Variants in ACOT12 observed in about 807,000 individuals in gnomAD.
ACOT12 encodes the protein acyl-CoA thioesterase 12.
Under a neutral mutation model 67.7 loss-of-function variants are expected in ACOT12, and 51 were observed. That is an observed-to-expected ratio of 0.75 (90% CI 0.60 to 0.95). ACOT12 has a LOEUF of 0.95. Among genes scored for constraint, ACOT12 ranks in the 40% least tolerant of loss-of-function variants. ACOT12 has a pLI of 0.00. For synonymous variants in ACOT12, 251 were observed against 244.6 expected, an observed-to-expected ratio of 1.03 and a Z score of -0.24; for missense variants, 734 against 708.1, an observed-to-expected ratio of 1.04 and a Z score of -0.41.
chr5:81,312,573 A>G, the ACOT12 span: 3 of 1,613,920 alleles, frequency 1.9e-6, no homozygotes, highest in Non-Finnish European at 2.5e-6. Flanking sequence ...TCGCTGGGCA[A>G]AGGGAATGAG....
At chr5:81,387,516 T>C (rs931440421) in intron 1 of ACOT12, among the ~76,000 whole-genome samples, 3 of 151,112 alleles carry the variant, frequency 2.0e-5, no homozygotes, top group African/African-American at 7.3e-5. Context: ...TATACCAACA[T>C]GAGTATCTTG....
intron 11 of ACOT12, among the ~76,000 whole-genome samples, chr5:81,337,350 C>T (rs140927869): frequency 1.5e-3 from 231 of 152,264 alleles, no homozygotes; most frequent in African/African-American, 5.4e-3. Context: ...CAATATTGTG[C>T]TGAGCACTTA....
intron 11 of ACOT12, among the ~76,000 whole-genome samples, chr5:81,336,921 T>C (rs1229906463): frequency 6.6e-6 from 1 of 152,164 alleles, no homozygotes; most frequent in African/African-American, 2.4e-5. Context: ...AAACAAGTGA[T>C]TATTTGCTTA....
chr5:81,371,532 T>A (rs914300336), intron 3 of ACOT12, among the ~76,000 whole-genome samples: 5 of 152,090 alleles, frequency 3.3e-5, no homozygotes, highest in African/African-American at 1.2e-4. Flanking sequence ...GGATTATAGG[T>A]GTGAGCTACC....
the ACOT12 span, among the ~76,000 whole-genome samples, chr5:81,310,586 T>C: frequency 6.6e-6 from 1 of 152,182 alleles, no homozygotes; most frequent in Non-Finnish European, 1.5e-5. Context: ...AGCAATAGTG[T>C]TTGATCATTA....
intron 2 of ACOT12, among the ~76,000 whole-genome samples, chr5:81,375,688 T>C (rs1230008074): frequency 6.6e-6 from 1 of 150,572 alleles, no homozygotes. Flanking sequence ...AGGGGTTGCA[T>C]CCTAGTTTCT....
At chr5:81,353,373 C>G (rs1029255124) in intron 5 of ACOT12, among the ~76,000 whole-genome samples, 4 of 152,202 alleles carry the variant, frequency 2.6e-5, no homozygotes, top group African/African-American at 9.6e-5. Flanking sequence ...AGAACTCACC[C>G]TTTCTGCTGG....
At chr5:81,310,157 T>TAAAAAAAAAAAAAAAAAAAAA in the ACOT12 span, among the ~76,000 whole-genome samples, 11 of 104,756 alleles carry the variant, frequency 1.1e-4, no homozygotes, top group East Asian at 1.5e-3. Flanking sequence ...TGACTAGCTG[T>TAAAAAAAAAAAAAAAAAAAAA]AAAAAAAAAA....
chr5:81,335,962 A>G lies in ACOT12; in HGVS notation c.1129-61T>C, dbSNP rs78872643. 862 of 1,503,450 alleles carry G rather than the reference A, an allele frequency of 5.7e-4. 5 individuals are homozygous for G. In the African/African-American group the frequency reaches 0.011, roughly 19 times the overall value. 93.1% of individuals were successfully genotyped at this position (1,503,450 alleles called of 1,614,324 possible). A position where few individuals can be genotyped will look rare whatever the true frequency, so the allele number is the denominator to read the frequency against. ...AACTGATGCTTTTACTTTAGAAACC[A>G]TATGCATATATATGTAGTCATAGAC... On this transcript the variant is annotated intron_variant, in intron 11 of 14. Transcript: ENST00000307624.
chr5:81,377,814 C>T (rs1235378521), intron 2 of ACOT12, among the ~76,000 whole-genome samples: 1 of 152,150 alleles, frequency 6.6e-6, no homozygotes, highest in Admixed American at 6.6e-5. Flanking sequence ...GAACAACAAA[C>T]CACTGCTCAA....
the ACOT12 span, among the ~76,000 whole-genome samples, chr5:81,315,535 G>A: frequency 6.6e-6 from 1 of 152,194 alleles, no homozygotes; most frequent in Middle Eastern, 3.2e-3. Context: ...TGCTTGGAAT[G>A]TATGAAGCAT....
chr5:81,380,013 G>A (rs1357709892), intron 2 of ACOT12, among the ~76,000 whole-genome samples: 1 of 149,294 alleles, frequency 6.7e-6, no homozygotes, highest in Admixed American at 6.7e-5. Context: ...GTCATAATCT[G>A]TAGCATTTTT....
At chr5:81,317,810 CAT>C in the ACOT12 span, among the ~76,000 whole-genome samples, 1 of 151,856 alleles carries the variant, frequency 6.6e-6, no homozygotes, top group South Asian at 2.1e-4. Flanking sequence ...GAGGTGGGGA[CAT>C]AGAGCCAAAC....
intron 4 of ACOT12, among the ~76,000 whole-genome samples, chr5:81,361,249 G>A (rs1170460253): frequency 6.6e-6 from 1 of 150,498 alleles, no homozygotes; most frequent in African/African-American, 2.4e-5. Flanking sequence ...GTCTCACTCT[G>A]TTGCCCAGGC....
chr5:81,332,858 G>T (rs1580526422), intron 12 of ACOT12, among the ~76,000 whole-genome samples: 1 of 152,082 alleles, frequency 6.6e-6, no homozygotes, highest in African/African-American at 2.4e-5. Context: ...GAGGCCAGGA[G>T]TTCAGGACTA....
Position 81,345,663 on chromosome 5 carries a change from C to T in ACOT12, c.773+222G>A, listed in dbSNP as rs112062150. Among the ~76,000 whole-genome samples, 865 of 151,940 alleles carry T rather than the reference C, an allele frequency of 5.7e-3. 7 individuals are homozygous for T. Among genetic ancestry groups the T allele is most frequent in the African/African-American group, 0.019 (808 of 41,436 alleles). On this transcript the variant is annotated intron_variant, in intron 7 of 14. Transcript: ENST00000307624. ...TCCTACTTGGGCCAATTGGGACATA[C>T]GGCTACCCTTATAAGACAAAAACCA...
chr5:81,340,424 C>T (rs936076932), intron 11 of ACOT12, among the ~76,000 whole-genome samples: 16 of 152,102 alleles, frequency 1.1e-4, no homozygotes, highest in South Asian at 4.1e-4. Context: ...TGCAGTAACA[C>T]GATCTCGGCC....
chr5:81,366,582 C>A lies in ACOT12; in HGVS notation c.259-2693G>T, dbSNP rs150832721. Among the ~76,000 whole-genome samples the A allele has an allele frequency of 1.6e-3, 245 of 152,050 alleles. 1 individual carries two copies. Among genetic ancestry groups the A allele is most frequent in the African/African-American group, 5.8e-3 (240 of 41,494 alleles). On this transcript the variant is annotated intron_variant, in intron 3 of 14. Coordinates refer to ENST00000307624, the MANE Select transcript of ACOT12 (RefSeq NM_130767.3). ...ACTGTGATAGCAAACACAGACAAAA[C>A]ATAAATTAATGGGTGTACTACAAAA... is the stretch of plus-strand genomic sequence containing the variant.
the ACOT12 span, chr5:81,311,299 A>C: frequency 6.2e-7 from 1 of 1,611,656 alleles, no homozygotes; most frequent in South Asian, 1.1e-5. Context: ...CTGGGCCTCT[A>C]CTTAGAAGGG....
Sources: gnomAD v4.1 joint callset for allele counts (sites outside exome capture counted in the v4.1 genomes callset) on GRCh38, gnomAD v4.1.1 for gene constraint, MANE v1.5 for transcripts, NCBI Gene and HGNC (gene_info 2026-07-23, HGNC 2026-07-21) for gene names.